TRIT1: variants seen among roughly 807,000 people sequenced by gnomAD.
TRIT1 encodes tRNA dimethylallyltransferase.
A neutral mutation model predicts 51.2 loss-of-function variants in TRIT1; 43 were observed. That is an observed-to-expected ratio of 0.84 (90% confidence interval 0.66 to 1.08). The LOEUF (loss-of-function observed/expected upper bound fraction) is 1.08, where lower values mean the gene tolerates loss of function less well. Among genes scored for constraint, TRIT1 ranks in the 50% least tolerant of loss-of-function variants. The pLI is 0.00. For missense variants in TRIT1, 528 were observed against 578.4 expected (o/e 0.91, Z 0.89); for synonymous variants, 184 against 203.9 (o/e 0.90, Z 0.83).
intron 1 of TRIT1, chr1:39,862,714 T>G: frequency 1.1e-6 from 1 of 936,732 alleles, no homozygotes; most frequent in Non-Finnish European, 1.3e-6. Context: ...AATGCCACAA[T>G]CAGGCTTATT....
chr1:39,866,093 A>AAAGGAAGGAAGGAAGGAAGG (rs150669999), intron 1 of TRIT1, among the ~76,000 whole-genome samples: 1 of 147,430 alleles, frequency 6.8e-6, no homozygotes, highest in African/African-American at 2.5e-5. Context: ...AGGAAAGAAG[A>AAAGGAAGGAAGGAAGGAAGG]AAGGAAGGAA....
rs1432299723 is a variant in TRIT1 at position 39,847,457 on chromosome 1, C to A, written c.928+91G>T. 47 of 1,496,368 alleles carry A rather than the reference C, an allele frequency of 3.1e-5. No individual in the cohort carries two copies. In the Admixed American group the frequency reaches 7.4e-4, roughly 24 times the overall value. 92.7% of individuals were successfully genotyped at this position (1,496,368 alleles called of 1,614,324 possible). On this transcript the variant is annotated intron_variant, in intron 7 of 10. Transcript: ENST00000316891. ...TCTGAGCTGAAGGCTATTTGGGACG[C>A]TTTAAGCCTTGGCTCTTTCTCAGAC...
chr1:39,855,382 T>C (rs1642836134), intron 2 of TRIT1, among the ~76,000 whole-genome samples: 1 of 152,196 alleles, frequency 6.6e-6, no homozygotes, highest in South Asian at 2.1e-4. Flanking sequence ...TATTTCCCCC[T>C]TTAAATTAAG....
In TRIT1 at chr1:39,883,460, G is replaced by T. The variant is rs1457895874; in HGVS notation, c.32C>A (p.Pro11His). 4.4e-6 allele frequency: 7 copies of T among 1,600,002 alleles called. No individual in the cohort carries two copies. In the South Asian group the frequency reaches 5.5e-5, roughly 13 times the overall value. The change falls in exon 1 of 11, where the codon CCC (proline) becomes CAC (histidine). Residue 11 changes from proline to histidine, a missense_variant. Pro to His is a moderately conservative substitution (Grantham distance 77). This residue lies in a region of TRIT1 where 55 missense variants were observed against 37.0 expected (regional missense o/e 1.49). Transcript: ENST00000316891. ...CAGGCCCCTGAGCCCACTGCCCACG[G>T]GAACTGCTCGTGCAGCCGCCACGGA... MASVAAARAV[P>H]VGSGLRGLQR...
chr1:39,873,441 G>A (rs576435703), intron 1 of TRIT1, among the ~76,000 whole-genome samples: 3 of 152,188 alleles, frequency 2.0e-5, no homozygotes, highest in South Asian at 2.1e-4. Flanking sequence ...TATCAAGGTC[G>A]TAAAAGACAA....
intron 1 of TRIT1, among the ~76,000 whole-genome samples, chr1:39,872,893 CAAAA>C (rs1375467641): frequency 1.3e-5 from 2 of 150,768 alleles, no homozygotes; most frequent in Non-Finnish European, 3.0e-5. Flanking sequence ...AGGAAGAAAA[CAAAA>C]AGAAAGAAAG....
intron 1 of TRIT1, among the ~76,000 whole-genome samples, chr1:39,868,929 A>G (rs934903082): frequency 1.3e-5 from 2 of 152,132 alleles, no homozygotes; most frequent in Admixed American, 6.5e-5. Context: ...GCGTGGTGGC[A>G]GGCATGTGTA....
chr1:39,854,020 T>C lies in TRIT1; in HGVS notation c.364A>G (p.Thr122Ala), dbSNP rs139911950. 6 of 1,613,426 alleles carry C rather than the reference T, an allele frequency of 3.7e-6. No homozygotes were observed. In the African/African-American group the frequency reaches 8.0e-5, roughly 22 times the overall value. The change falls in exon 3 of 11, where the codon ACC (threonine) becomes GCC (alanine). Residue 122 changes from threonine to alanine, a missense_variant. By Grantham distance (58) the Thr-to-Ala change is moderately conservative. Around this residue, in one of 3 missense-constraint regions of TRIT1, gnomAD observed 468 missense variants for 522.6 expected, o/e 0.90. Transcript: ENST00000316891. ...RDKIPIVVGGTNYYIESLLWK... is the reference protein window; with the variant it reads ...RDKIPIVVGGANYYIESLLWK... ...AGCAGAGATTCAATGTAATAATTGG[T>C]TCCTCCCACAACAATAGGAATTTTG...
Position 39,840,236 on chromosome 1 carries a change from C to T in TRIT1, c.*1508G>A, listed in dbSNP as rs927436282. On this transcript the variant is annotated 3_prime_UTR_variant, in exon 11 of 11. Coordinates refer to ENST00000316891, the MANE Select transcript of TRIT1 (RefSeq NM_017646.6). ...CTAAAGTAGTTAATAAACTTCTTTG[C>T]CCAGAGAATAAATTTATTTTTGAGA... Among the ~76,000 whole-genome samples the T allele has an allele frequency of 6.6e-6, 1 of 151,992 alleles. No homozygotes were observed. The highest frequency in any genetic ancestry group is 2.4e-5 in the African/African-American group (1 of 41,396).
rs1652471319 is a variant in TRIT1, at chr1:39,838,832, GT to G, written c.*2911del. On this transcript the variant is annotated 3_prime_UTR_variant, in exon 11 of 11. Coordinates refer to ENST00000316891, the MANE Select transcript of TRIT1 (RefSeq NM_017646.6). Reference sequence around the variant, plus strand: ...TTTTTAATGTTATACTGGGTGTTTTGTTTTGTTTTAAGCAAAAAAATCCTCT... The same window carrying G: ...TTTTTAATGTTATACTGGGTGTTTTGTTTGTTTTAAGCAAAAAAATCCTCT... 6.6e-6 allele frequency among the ~76,000 whole-genome samples: 1 copy of G among 151,976 alleles called. No individual in the cohort carries two copies. The highest frequency in any genetic ancestry group is 6.6e-5 in the Admixed American group (1 of 15,246).
intron 1 of TRIT1, 99 bp downstream of exon 1, chr1:39,883,219 C>T: frequency 7.5e-7 from 1 of 1,325,454 alleles, no homozygotes; most frequent in South Asian, 1.4e-5. Flanking sequence ...CCCCCTCCGC[C>T]CCTACAAGCC....
At chr1:39,857,484 G>T in intron 1 of TRIT1, 67 bp from the exon 2 acceptor site, 1 of 1,556,420 alleles carries the variant, frequency 6.4e-7, no homozygotes. Flanking sequence ...TTAATGAATA[G>T]AAATTTTGAT....
chr1:39,868,583 G>A (rs1182556668), intron 1 of TRIT1, among the ~76,000 whole-genome samples: 1 of 149,914 alleles, frequency 6.7e-6, no homozygotes, highest in Non-Finnish European at 1.5e-5. Flanking sequence ...GGTGGAGGTT[G>A]CAGTGAGCCA....
intron 1 of TRIT1, among the ~76,000 whole-genome samples, chr1:39,878,131 G>A (rs1332553019): frequency 1.3e-5 from 2 of 152,066 alleles, no homozygotes; most frequent in Admixed American, 6.5e-5. Context: ...AATCATGGAA[G>A]GGCATGTGTT....
chr1:39,883,392 T>G lies in TRIT1; in HGVS notation c.100A>C (p.Thr34Pro), dbSNP rs1484229217. The change falls in exon 1 of 11, where the codon ACC (threonine) becomes CCC (proline). Residue 34 changes from threonine to proline, a missense_variant. Transcript: ENST00000316891. The part of the protein sequence containing the change: ...PLVVILGATG[T>P]GKSTLALQLG... ...TGCAACGCCAGCGTGGATTTGCCGG[T>G]GCCCGTGGCCCCGAGAATCACTACA... 6.2e-7 allele frequency: 1 copy of G among 1,613,492 alleles called. No individual in the cohort carries two copies. Among genetic ancestry groups the G allele is most frequent in the African/African-American group, 1.3e-5 (1 of 74,894 alleles).
At chr1:39,879,608 T>A (rs1036896295) in intron 1 of TRIT1, among the ~76,000 whole-genome samples, 2 of 151,938 alleles carry the variant, frequency 1.3e-5, no homozygotes, top group African/African-American at 4.8e-5. Context: ...GCGCAGTGTC[T>A]CACACCTGTA....
intron 1 of TRIT1, among the ~76,000 whole-genome samples, chr1:39,861,242 T>C (rs933960633): frequency 6.6e-6 from 1 of 152,134 alleles, no homozygotes; most frequent in African/African-American, 2.4e-5. Context: ...AATATGGCAG[T>C]TTCGGGAAGG....
chr1:39,869,939 C>A (rs774642191), intron 1 of TRIT1, among the ~76,000 whole-genome samples: 12 of 151,732 alleles, frequency 7.9e-5, no homozygotes, highest in Non-Finnish European at 1.8e-4. Context: ...AGGCGGGGGG[C>A]GCCTCTGCCT....
chr1:39,871,285 TGGAAGAA>T, intron 1 of TRIT1, among the ~76,000 whole-genome samples: 1 of 152,192 alleles, frequency 6.6e-6, no homozygotes, highest in African/African-American at 2.4e-5. Context: ...TGCAACAACA[TGGAAGAA>T]TTTTAAACGT....
Sources: gnomAD v4.1 joint callset for allele counts (sites outside exome capture counted in the v4.1 genomes callset) on GRCh38, gnomAD v4.1.1 for gene constraint, gnomAD v4.1.1 regional missense constraint, MANE v1.5 for transcripts, NCBI Gene and HGNC (gene_info 2026-07-23, HGNC 2026-07-21) for gene names.